The following SMPD3 variants were observed in gnomAD, a reference collection of about 807,000 sequenced individuals.
SMPD3 encodes sphingomyelin phosphodiesterase 3, also known as nSMase-2.
In SMPD3, 21 loss-of-function variants were observed where a neutral mutation model predicts 55.7. The observed-to-expected ratio is 0.38, with a 90% CI of 0.27 to 0.54. The LOEUF (loss-of-function observed/expected upper bound fraction) is 0.54. Ranked by LOEUF, SMPD3 falls within the 20% of genes least tolerant of loss-of-function variation. SMPD3 has a pLI of 0.80. For missense variants in SMPD3, 842 were observed against 899.6 expected (o/e 0.94, Z 0.82); for synonymous variants, 457 against 404.3 (o/e 1.13, Z -1.56).
At chr16:68,381,762 C>T (rs1009578097) in intron 2 of SMPD3, among the ~76,000 whole-genome samples, 1 of 152,096 alleles carries the variant, frequency 6.6e-6, no homozygotes, top group African/African-American at 2.4e-5. Flanking sequence ...AGAAGAAAAC[C>T]TTTGATTATA....
intron 7 of SMPD3, among the ~76,000 whole-genome samples, chr16:68,362,960 G>C (rs2089358405): frequency 6.6e-6 from 1 of 152,222 alleles, no homozygotes; most frequent in African/African-American, 2.4e-5. Context: ...TTATAAATTG[G>C]TTCTGCTGTT....
chr16:68,428,919 G>C (rs1167131089), intron 1 of SMPD3, among the ~76,000 whole-genome samples: 1 of 152,218 alleles, frequency 6.6e-6, no homozygotes, highest in Non-Finnish European at 1.5e-5. Flanking sequence ...AAAAATCCCA[G>C]CAGACAATGG....
At chr16:68,441,675 G>A (rs779956209) in intron 1 of SMPD3, among the ~76,000 whole-genome samples, 1 of 151,626 alleles carries the variant, frequency 6.6e-6, no homozygotes, top group Non-Finnish European at 1.5e-5. Flanking sequence ...AGTGCTTATG[G>A]CCCCATATTA....
intron 1 of SMPD3, among the ~76,000 whole-genome samples, chr16:68,409,054 G>A (rs1157011548): frequency 6.6e-6 from 1 of 152,180 alleles, no homozygotes; most frequent in African/African-American, 2.4e-5. Context: ...GGGTGTGTGT[G>A]TAGGGAGAGG....
intron 1 of SMPD3, among the ~76,000 whole-genome samples, chr16:68,440,389 T>C (rs1380572031): frequency 6.6e-6 from 1 of 152,134 alleles, no homozygotes; most frequent in African/African-American, 2.4e-5. Flanking sequence ...TTAGTAGAGA[T>C]GGGGTTTCAC....
At chr16:68,443,619 G>T (rs143782700) in intron 1 of SMPD3, among the ~76,000 whole-genome samples, 11 of 152,106 alleles carry the variant, frequency 7.2e-5, no homozygotes, top group African/African-American at 2.7e-4. Flanking sequence ...TGGTCATGAA[G>T]GTCATTATAC....
intron 1 of SMPD3, among the ~76,000 whole-genome samples, chr16:68,425,249 CA>C (rs2090426577): frequency 6.6e-6 from 1 of 152,208 alleles, no homozygotes; most frequent in Non-Finnish European, 1.5e-5. Context: ...GAAATCAAAA[CA>C]GAACTTCATG....
At chr16:68,442,095 T>C (rs1365674520) in intron 1 of SMPD3, among the ~76,000 whole-genome samples, 1 of 152,156 alleles carries the variant, frequency 6.6e-6, no homozygotes, top group Non-Finnish European at 1.5e-5. Context: ...GGTTTTGCAT[T>C]GGTATTGGAT....
Position 68,371,463 on chromosome 16 carries a change from T to C in SMPD3, c.719A>G (p.Glu240Gly). ...SGDPVDSSSP[E>G]DACIVRIGGE... Reference sequence around the variant, plus strand: ...ACCGATGCGCACGATGCAGGCATCCTCCGGGCTGCTGCTGTCGACAGGGTC... The same window carrying C: ...ACCGATGCGCACGATGCAGGCATCCCCCGGGCTGCTGCTGTCGACAGGGTC... The change falls in exon 3 of 9, where the codon GAG (glutamate) becomes GGG (glycine). Residue 240 changes from glutamate to glycine, a missense_variant. Physicochemically the swap from Glu to Gly is moderately conservative, Grantham distance 98 (BLOSUM62 -2). Transcript: ENST00000219334. 1 of 1,595,960 alleles carries C rather than the reference T, an allele frequency of 6.3e-7. No individual in the cohort carries two copies. The highest frequency in any genetic ancestry group is 1.1e-5 in the South Asian group (1 of 90,668).
intron 1 of SMPD3, among the ~76,000 whole-genome samples, chr16:68,421,591 A>T (rs976462425): frequency 2.6e-5 from 4 of 152,156 alleles, no homozygotes; most frequent in Non-Finnish European, 5.9e-5. Flanking sequence ...GTCCAGTAAA[A>T]CAATTAAGTC....
At chr16:68,430,650 C>T (rs1449112762) in intron 1 of SMPD3, among the ~76,000 whole-genome samples, 2 of 152,204 alleles carry the variant, frequency 1.3e-5, no homozygotes, top group Non-Finnish European at 2.9e-5. Flanking sequence ...TGCCCCATCA[C>T]CCCACTGTTC....
intron 1 of SMPD3, among the ~76,000 whole-genome samples, chr16:68,440,988 A>G (rs1387591266): frequency 6.6e-6 from 1 of 152,232 alleles, no homozygotes; most frequent in Non-Finnish European, 1.5e-5. Flanking sequence ...TATCTGCCAG[A>G]AAATAGGGGC....
chr16:68,397,946 G>A (rs548047595), intron 1 of SMPD3, among the ~76,000 whole-genome samples: 1 of 151,708 alleles, frequency 6.6e-6, no homozygotes, highest in Admixed American at 6.5e-5. Context: ...GACAGGCAAG[G>A]CCAGGGGATG....
chr16:68,409,816 A>AT, intron 1 of SMPD3, among the ~76,000 whole-genome samples: 2 of 151,932 alleles, frequency 1.3e-5, no homozygotes, highest in Non-Finnish European at 2.9e-5. Flanking sequence ...GATGGTCTCG[A>AT]CTCCTGACCT....
At position 68,367,427 on chromosome 16, in the gene SMPD3, CTG is replaced by C. The variant is rs1248973406; in HGVS notation, c.1324-2337_1324-2336del. 3.7e-5 allele frequency: 4 copies of C among 108,402 alleles called. No homozygotes were observed. The East Asian group carries it at 1.2e-3, about 31-fold the overall frequency. The allele number at this position is 108,402 out of a possible 1,614,324, so 6.7% of individuals were successfully genotyped here. On this transcript the variant is annotated intron_variant, in intron 3 of 8. Transcript: ENST00000219334. ...TCTAAGAGGCAGCTTCCAGTCGGAT[CTG>C]TTTGTCGTGCGCTGCTGTGCGCTGC...
chr16:68,419,427 A>T (rs918671318), intron 1 of SMPD3, among the ~76,000 whole-genome samples: 3 of 152,200 alleles, frequency 2.0e-5, no homozygotes, highest in African/African-American at 7.2e-5. Context: ...CCAGGAATCT[A>T]CTGCCCTATC....
intron 1 of SMPD3, among the ~76,000 whole-genome samples, chr16:68,392,147 C>T (rs532033099): frequency 2.7e-4 from 41 of 152,338 alleles, no homozygotes; most frequent in African/African-American, 9.9e-4. Flanking sequence ...CCGCCTTGGC[C>T]TTCCAGAGTG....
chr16:68,363,672 G>T, intron 6 of SMPD3, 105 bp downstream of exon 6: 1 of 1,445,898 alleles, frequency 6.9e-7, no homozygotes, highest in Non-Finnish European at 9.5e-7. Context: ...CAGCTGAATG[G>T]GGCCCTTCCC....
At chr16:68,428,831 T>G (rs1241068387) in intron 1 of SMPD3, among the ~76,000 whole-genome samples, 1 of 152,170 alleles carries the variant, frequency 6.6e-6, no homozygotes, top group Non-Finnish European at 1.5e-5. Flanking sequence ...CAGATGGTCA[T>G]GCACAGCAGC....
Sources: gnomAD v4.1 joint callset for allele counts (sites outside exome capture counted in the v4.1 genomes callset) on GRCh38, gnomAD v4.1.1 for gene constraint, MANE v1.5 for transcripts, NCBI Gene and HGNC (gene_info 2026-07-23, HGNC 2026-07-21) for gene names.